TVP23C: variants seen among roughly 807,000 people sequenced by gnomAD.
TVP23C encodes the protein trans-golgi network vesicle protein 23 homolog C.
TVP23C carries 19 observed loss-of-function variants against 28.7 expected under a neutral mutation model. The ratio of observed to expected loss-of-function variants is 0.66; its 90% CI spans 0.46 to 0.97. TVP23C has a LOEUF of 0.97. Ranked by LOEUF, TVP23C falls within the 50% of genes least tolerant of loss-of-function variation. The probability of loss-of-function intolerance (pLI) is 0.00; values close to 1 mark genes in which losing one functional copy is unlikely to be tolerated. For synonymous variants in TVP23C, 68 were observed against 81.7 expected, an observed-to-expected ratio of 0.83 and a Z score of 0.90; for missense variants, 186 against 241.3, an observed-to-expected ratio of 0.77 and a Z score of 1.52.
At chr17:15,556,363 C>CTTTTT (rs58106297) in intron 1 of TVP23C, among the ~76,000 whole-genome samples, 2 of 122,036 alleles carry the variant, frequency 1.6e-5, no homozygotes, top group African/African-American at 3.0e-5. Flanking sequence ...TTACCTTAGG[C>CTTTTT]TTTTTTTTTT....
intron 5 of TVP23C, among the ~76,000 whole-genome samples, chr17:15,527,678 G>A (rs1262230249): frequency 1.3e-5 from 2 of 152,264 alleles, no homozygotes; most frequent in East Asian, 3.9e-4. Flanking sequence ...TGCTTCATCT[G>A]TAAAAATGGG....
At chr17:15,560,272 G>A (rs1221438420) in intron 1 of TVP23C, among the ~76,000 whole-genome samples, 1 of 148,982 alleles carries the variant, frequency 6.7e-6, no homozygotes, top group African/African-American at 2.4e-5. Flanking sequence ...CACCATGTTG[G>A]CCAGGATGGT....
chr17:15,531,040 T>A (rs1173479200), intron 5 of TVP23C: 2 of 152,218 alleles, frequency 1.3e-5, no homozygotes, highest in Non-Finnish European at 2.9e-5. Flanking sequence ...ACCATGCTCA[T>A]CCTTTCTTAT....
chr17:15,503,363 C>T, intron 5 of TVP23C: 1 of 1,112,712 alleles, frequency 9.0e-7, no homozygotes, highest in Non-Finnish European at 1.2e-6. Context: ...TGTGACCACG[C>T]CACTGCACTC....
rs749890234 is a variant in TVP23C at position 15,502,919 on chromosome 17, C to T, written c.776G>A (p.Ser259Asn). 4 of 1,612,664 alleles carry T rather than the reference C, an allele frequency of 2.5e-6. No homozygotes were observed. The South Asian group carries it at 4.4e-5, about 18-fold the overall frequency. Residue 259 changes from serine (S) to asparagine (N), a missense_variant, in exon 6 of 6, where the codon AGC becomes AAC. Transcript: ENST00000225576. ...TGGCCCGGGCTCACCAGTTCCTCTG[C>T]TATTGGGACTCTCCCCACCTCCCCT...
At chr17:15,554,236 CTTTTTTT>C (rs60423951) in intron 2 of TVP23C, among the ~76,000 whole-genome samples, 10 of 125,380 alleles carry the variant, frequency 8.0e-5, no homozygotes, top group African/African-American at 2.7e-4. Flanking sequence ...TTGTTTGTTT[CTTTTTTT>C]TTTTTTTTTT....
At chr17:15,541,268 G>T in intron 5 of TVP23C, among the ~76,000 whole-genome samples, 1 of 152,106 alleles carries the variant, frequency 6.6e-6, no homozygotes, top group Non-Finnish European at 1.5e-5. Context: ...CAATGTGAGG[G>T]ATTCCCAAGG....
At chr17:15,507,880 G>A (rs1273685848) in intron 5 of TVP23C, among the ~76,000 whole-genome samples, 2 of 152,046 alleles carry the variant, frequency 1.3e-5, no homozygotes, top group Admixed American at 6.6e-5. Flanking sequence ...AAAAAAGAAA[G>A]TCTATAGCCT....
chr17:15,554,759 T>C lies in TVP23C; in HGVS notation c.95+523A>G, dbSNP rs1597546861. ...TCAGCTTCTAGCAACAGCTAATCTATCTTCTGTCTCTACAGATTTGCCTAT... is the reference window on the plus strand; with the variant it reads ...TCAGCTTCTAGCAACAGCTAATCTACCTTCTGTCTCTACAGATTTGCCTAT... On this transcript the variant is annotated intron_variant, in intron 2 of 5. Coordinates refer to ENST00000518321, the MANE Select transcript of TVP23C (RefSeq NM_001135036.2). 2.0e-5 allele frequency among the ~76,000 whole-genome samples: 3 copies of C among 152,300 alleles called. No homozygotes were observed. The South Asian group carries it at 6.2e-4, about 32-fold the overall frequency.
chr17:15,519,421 A>G (rs2150834395), intron 5 of TVP23C, among the ~76,000 whole-genome samples: 1 of 152,056 alleles, frequency 6.6e-6, no homozygotes, highest in African/African-American at 2.4e-5. Context: ...GCAGTGACCC[A>G]TGATCATGCC....
chr17:15,538,759 T>C lies in TVP23C; in HGVS notation c.*1653A>G, dbSNP rs747457265. ...GGTTTAAGGTTTAATTTCACCTGTA[T>C]TCCATGTTCCTCCCCACCTTCAGAA... On this transcript the variant is annotated 3_prime_UTR_variant, in exon 6 of 6. Transcript: ENST00000518321. 1 of 985,408 alleles carries C rather than the reference T, an allele frequency of 1.0e-6. No individual in the cohort carries two copies. The highest frequency in any genetic ancestry group is 1.2e-6 in the Non-Finnish European group (1 of 829,922). The allele number at this position is 985,408 out of a possible 1,614,324, so 61.0% of individuals were successfully genotyped here.
intron 5 of TVP23C, chr17:15,503,510 C>G (rs1981585705): frequency 3.6e-6 from 1 of 279,282 alleles, no homozygotes; most frequent in Admixed American, 5.2e-5. Context: ...GGTGCAGAAC[C>G]CTCTTAGTCT....
chr17:15,512,938 T>G (rs899346034), intron 5 of TVP23C, among the ~76,000 whole-genome samples: 1 of 152,156 alleles, frequency 6.6e-6, no homozygotes, highest in Admixed American at 6.5e-5. Context: ...ATGTAGGACC[T>G]TAGGCAAATC....
chr17:15,551,255 T>C lies in TVP23C; in HGVS notation c.240+2430A>G, dbSNP rs2323740. The stretch of plus-strand genomic sequence containing the variant: ...CTGGGACTACAGGCGCCTGCCACCA[T>C]GCCCGGCTCATTTTTTTTTTTTTTT... On this transcript the variant is annotated intron_variant, in intron 3 of 5. Coordinates refer to ENST00000518321, the MANE Select transcript of TVP23C (RefSeq NM_001135036.2). 4.0e-5 allele frequency among the ~76,000 whole-genome samples: 6 copies of C among 149,894 alleles called. No individual in the cohort carries two copies. The East Asian group carries it at 6.0e-4, about 15-fold the overall frequency.
rs779828439 is a variant in TVP23C at position 15,547,199 on chromosome 17, T to A, written c.241-51A>T. The A allele has an allele frequency of 2.5e-6, 4 of 1,613,076 alleles. No individual in the cohort carries two copies. The South Asian group carries it at 3.3e-5, about 13-fold the overall frequency. On this transcript the variant is annotated intron_variant, in intron 3 of 5. Coordinates refer to ENST00000518321, the MANE Select transcript of TVP23C (RefSeq NM_001135036.2). ...ACATTTTAAAAGCATTATTTAAAGA[T>A]CTGTCACAAGCTCCTATCTTAGTGT...
chr17:15,532,296 C>A (rs1173597617), downstream of TVP23C, among the ~76,000 whole-genome samples: 1 of 152,136 alleles, frequency 6.6e-6, no homozygotes, highest in Non-Finnish European at 1.5e-5. Context: ...CATTGAGTGA[C>A]CTGAGTTGGG....
At chr17:15,502,907 C>T (rs764038420) in exon 6 of TVP23C, 1 of 1,605,784 alleles carries the variant, frequency 6.2e-7, no homozygotes, top group Admixed American at 1.7e-5. Flanking sequence ...CCCGGGCTCA[C>T]CAGTTCCTCT....
At chr17:15,504,464 C>T (rs987041462) in intron 5 of TVP23C, among the ~76,000 whole-genome samples, 2 of 152,112 alleles carry the variant, frequency 1.3e-5, no homozygotes, top group African/African-American at 4.8e-5. Flanking sequence ...AGAAGAGCTG[C>T]GCTTTGGATG....
intron 5 of TVP23C, among the ~76,000 whole-genome samples, chr17:15,508,751 T>C (rs1981878622): frequency 6.6e-6 from 1 of 152,176 alleles, no homozygotes; most frequent in Admixed American, 6.5e-5. Flanking sequence ...TAAAAATACT[T>C]CTGGGTATTT....
Sources: gnomAD v4.1 joint callset for allele counts (sites outside exome capture counted in the v4.1 genomes callset) on GRCh38, gnomAD v4.1.1 for gene constraint, MANE v1.5 for transcripts, NCBI Gene and HGNC (gene_info 2026-07-23, HGNC 2026-07-21) for gene names.